SUGCT: variants seen among roughly 807,000 people sequenced by gnomAD.
SUGCT encodes the protein succinyl-CoA:glutarate-CoA transferase, also known as succinyl-CoA:glutarate CoA-transferase.
A neutral mutation model predicts 55.0 loss-of-function variants in SUGCT; 41 were observed. The ratio of observed to expected loss-of-function variants is 0.74; its 90% CI spans 0.58 to 0.97. SUGCT has a LOEUF of 0.97. Ranked by LOEUF, SUGCT falls within the 50% of genes least tolerant of loss-of-function variation. The pLI is 0.00. For missense variants in SUGCT, 568 were observed against 547.8 expected, an observed-to-expected ratio of 1.04 and a Z score of -0.37; for synonymous variants, 187 against 200.4, an observed-to-expected ratio of 0.93 and a Z score of 0.56.
At chr7:40,220,341 A>G (rs541552092) in intron 6 of SUGCT, among the ~76,000 whole-genome samples, 2 of 152,180 alleles carry the variant, frequency 1.3e-5, no homozygotes, top group Non-Finnish European at 2.9e-5. Context: ...CCAGATATTT[A>G]TATGCATCTG....
chr7:40,898,328 G>A, the SUGCT span, among the ~76,000 whole-genome samples: 3 of 152,132 alleles, frequency 2.0e-5, no homozygotes, highest in Non-Finnish European at 4.4e-5. Context: ...AGAGCCGTAA[G>A]ACTCACCGCG....
the SUGCT span, among the ~76,000 whole-genome samples, chr7:41,005,214 G>A: frequency 6.6e-6 from 1 of 152,082 alleles, no homozygotes; most frequent in Non-Finnish European, 1.5e-5. Flanking sequence ...TGAGTGAGGA[G>A]ATTTAGTACC....
intron 6 of SUGCT, among the ~76,000 whole-genome samples, chr7:40,227,316 C>T (rs561770935): frequency 4.3e-4 from 65 of 152,098 alleles, no homozygotes; most frequent in African/African-American, 2.7e-4. Flanking sequence ...TCCCAAAGTG[C>T]GGGGATTACA....
intron 12 of SUGCT, among the ~76,000 whole-genome samples, chr7:40,555,793 G>A (rs879196552): frequency 5.3e-5 from 8 of 151,698 alleles, no homozygotes; most frequent in Admixed American, 2.6e-4. Context: ...TTCATATCTC[G>A]GTGTGGCTGC....
intron 9 of SUGCT, among the ~76,000 whole-genome samples, chr7:40,339,714 C>T (rs1402539001): frequency 6.6e-6 from 1 of 152,192 alleles, no homozygotes; most frequent in East Asian, 1.9e-4. Context: ...GATGCTTCAC[C>T]TTGCCTTGGC....
intron 8 of SUGCT, among the ~76,000 whole-genome samples, chr7:40,310,706 C>T (rs1795096023): frequency 6.6e-6 from 1 of 152,030 alleles, no homozygotes; most frequent in Non-Finnish European, 1.5e-5. Context: ...CCACATGATG[C>T]TATATTGTTT....
intron 8 of SUGCT, among the ~76,000 whole-genome samples, chr7:40,299,632 A>G (rs965679645): frequency 2.1e-5 from 3 of 140,050 alleles, no homozygotes; most frequent in Non-Finnish European, 3.2e-5. Context: ...CTTGGGTTTT[A>G]AAATACTATG....
the SUGCT span, among the ~76,000 whole-genome samples, chr7:40,978,768 A>G: frequency 1.3e-5 from 2 of 152,156 alleles, no homozygotes; most frequent in Non-Finnish European, 2.9e-5. Flanking sequence ...TGTTCCAGGA[A>G]CCAAAGGGGC....
At chr7:41,011,878 C>T in the SUGCT span, among the ~76,000 whole-genome samples, 4 of 151,660 alleles carry the variant, frequency 2.6e-5, no homozygotes, top group African/African-American at 9.8e-5. Flanking sequence ...CTGTTCCAAC[C>T]CCGAATCAGC....
the SUGCT span, among the ~76,000 whole-genome samples, chr7:41,002,329 G>T: frequency 1.3e-5 from 2 of 152,106 alleles, no homozygotes; most frequent in Non-Finnish European, 2.9e-5. Context: ...TGGAGAATGC[G>T]AACTTTATCC....
chr7:40,158,299 T>C lies in SUGCT; in HGVS notation c.101-22648T>C, dbSNP rs375871879. ...ATATTTACTTCTTTGTAGACTAATA[T>C]TCCTCACCCAAGTGTAACACAGGTA... On this transcript the variant is annotated intron_variant, in intron 1 of 13. Transcript: ENST00000335693. Among the ~76,000 whole-genome samples the C allele has an allele frequency of 3.9e-4, 60 of 152,332 alleles. 1 individual carries two copies. The South Asian group carries it at 0.012, about 31-fold the overall frequency.
intron 12 of SUGCT, among the ~76,000 whole-genome samples, chr7:40,664,745 C>T (rs1047358241): frequency 6.6e-6 from 1 of 152,136 alleles, no homozygotes; most frequent in Admixed American, 6.5e-5. Context: ...CTTTGGGAGG[C>T]CGAGGCGGGC....
chr7:40,974,927 G>A, the SUGCT span, among the ~76,000 whole-genome samples: 10 of 152,062 alleles, frequency 6.6e-5, no homozygotes, highest in African/African-American at 2.4e-4. Flanking sequence ...AAGTACTTGC[G>A]AAAATCTGCT....
intron 12 of SUGCT, among the ~76,000 whole-genome samples, chr7:40,706,430 C>A (rs1054107763): frequency 5.9e-5 from 9 of 152,072 alleles, no homozygotes; most frequent in Non-Finnish European, 1.0e-4. Context: ...CGTTTGAACC[C>A]AGGAGGCAGA....
At chr7:40,241,361 T>G (rs1196719824) in intron 7 of SUGCT, among the ~76,000 whole-genome samples, 1 of 150,184 alleles carries the variant, frequency 6.7e-6, no homozygotes, top group Non-Finnish European at 1.5e-5. Context: ...GGCGGATCAC[T>G]TAAGGTCAGG....
intron 4 of SUGCT, among the ~76,000 whole-genome samples, chr7:40,189,190 A>G (rs997927463): frequency 3.3e-5 from 5 of 151,964 alleles, no homozygotes; most frequent in African/African-American, 9.7e-5. Flanking sequence ...AAAAATACAA[A>G]CATTAGCTGG....
At chr7:40,769,416 G>A (rs946589281) in intron 13 of SUGCT, among the ~76,000 whole-genome samples, 5 of 152,154 alleles carry the variant, frequency 3.3e-5, no homozygotes, top group African/African-American at 7.2e-5. Context: ...TTGCAGATGC[G>A]ATTAATTCAA....
At chr7:40,272,670 T>A (rs572866075) in intron 7 of SUGCT, among the ~76,000 whole-genome samples, 189 of 149,626 alleles carry the variant, frequency 1.3e-3, no homozygotes, top group Middle Eastern at 3.4e-3. Flanking sequence ...TATTATTTTT[T>A]TTTTTTTGAG....
intron 12 of SUGCT, among the ~76,000 whole-genome samples, chr7:40,513,047 G>T (rs1009579976): frequency 6.6e-6 from 1 of 152,088 alleles, no homozygotes; most frequent in South Asian, 2.1e-4. Flanking sequence ...ATGTAGATAC[G>T]CCTGTATACA....
Sources: gnomAD v4.1 joint callset for allele counts (sites outside exome capture counted in the v4.1 genomes callset) on GRCh38, gnomAD v4.1.1 for gene constraint, MANE v1.5 for transcripts, NCBI Gene and HGNC (gene_info 2026-07-23, HGNC 2026-07-21) for gene names.